RP1: variants seen among roughly 807,000 people sequenced by gnomAD.
The protein encoded by RP1 is oxygen-regulated protein 1.
Under a neutral mutation model 14.8 loss-of-function variants are expected in RP1, and 16 were observed. That is an observed-to-expected ratio of 1.08 (90% CI 0.73 to 1.65). RP1 has a LOEUF of 1.65. Among genes scored for constraint, RP1 ranks in the 40% most tolerant of loss-of-function variants. RP1 has a pLI of 0.00. For missense variants in RP1, 2,631 were observed against 2,535.0 expected, an observed-to-expected ratio of 1.04 and a Z score of -0.81; for synonymous variants, 876 against 883.6, an observed-to-expected ratio of 0.99 and a Z score of 0.15.
chr8:54,797,873 CTTTTT>C (rs71254593), intron 24 of RP1, among the ~76,000 whole-genome samples: 1 of 112,296 alleles, frequency 8.9e-6, no homozygotes, highest in African/African-American at 3.7e-5. Context: ...GTTTCCCAAC[CTTTTT>C]TTTTTTTTTT....
intron 12 of RP1, among the ~76,000 whole-genome samples, chr8:54,691,589 A>C (rs556327928): frequency 6.6e-4 from 101 of 152,104 alleles, no homozygotes; most frequent in African/African-American, 2.3e-3. Context: ...ATAGATTATT[A>C]AAGCAGACTT....
chr8:54,599,428 G>A (rs1385284844), intron 1 of RP1, among the ~76,000 whole-genome samples: 3 of 151,190 alleles, frequency 2.0e-5, no homozygotes, highest in African/African-American at 7.3e-5. Flanking sequence ...CCAACTCTGT[G>A]TCATGTTGAT....
intron 25 of RP1, among the ~76,000 whole-genome samples, chr8:54,849,941 A>C (rs1563395750): frequency 6.6e-6 from 1 of 152,218 alleles, no homozygotes; most frequent in African/African-American, 2.4e-5. Flanking sequence ...TAGTGTAGCT[A>C]TCAATTGAAT....
chr8:54,780,191 C>T (rs1458064611), intron 23 of RP1, among the ~76,000 whole-genome samples: 2 of 152,216 alleles, frequency 1.3e-5, no homozygotes, highest in African/African-American at 4.8e-5. Flanking sequence ...AATACATAAA[C>T]AAATGAGCAT....
At chr8:54,677,104 C>G (rs889241899) in intron 8 of RP1, among the ~76,000 whole-genome samples, 14 of 150,942 alleles carry the variant, frequency 9.3e-5, no homozygotes, top group Non-Finnish European at 2.1e-4. Flanking sequence ...GGATGACTAG[C>G]CATACTGGTT....
chr8:54,677,714 G>A (rs965999329), intron 8 of RP1, among the ~76,000 whole-genome samples: 18 of 152,036 alleles, frequency 1.2e-4, no homozygotes, highest in African/African-American at 3.9e-4. Context: ...GTGACAGAGT[G>A]AGCCTCTGTC....
chr8:54,718,452 G>A (rs1808455905), intron 15 of RP1, among the ~76,000 whole-genome samples: 1 of 152,190 alleles, frequency 6.6e-6, no homozygotes, highest in African/African-American at 2.4e-5. Flanking sequence ...GGAGCAAAGG[G>A]AACTCAATGG....
chr8:54,745,817 A>G (rs1347953036), intron 19 of RP1, among the ~76,000 whole-genome samples: 1 of 152,088 alleles, frequency 6.6e-6, no homozygotes, highest in Non-Finnish European at 1.5e-5. Flanking sequence ...TTGAAGCTTA[A>G]TATCAGTGCA....
intron 24 of RP1, among the ~76,000 whole-genome samples, chr8:54,785,223 A>G (rs1249850568): frequency 1.3e-5 from 2 of 152,006 alleles, no homozygotes; most frequent in Non-Finnish European, 2.9e-5. Flanking sequence ...GTCTCTACAC[A>G]TTTGCCTGTT....
intron 17 of RP1, chr8:54,726,487 G>A (rs925144681): frequency 4.6e-6 from 7 of 1,517,096 alleles, no homozygotes; most frequent in Non-Finnish European, 5.3e-6. Flanking sequence ...GTAAGCCACA[G>A]CTTTTGCTTT....
chr8:54,706,425 C>A, intron 14 of RP1: 1 of 1,534,986 alleles, frequency 6.5e-7, no homozygotes, highest in South Asian at 1.2e-5. Flanking sequence ...CCTTTCTGTT[C>A]TGTTTGTTGC....
At chr8:54,592,878 C>G (rs1407522158) in intron 1 of RP1, among the ~76,000 whole-genome samples, 1 of 152,136 alleles carries the variant, frequency 6.6e-6, no homozygotes, top group Non-Finnish European at 1.5e-5. Flanking sequence ...TTCCTCTTAT[C>G]AAGAAAGCAA....
intron 12 of RP1, chr8:54,696,426 C>T (rs901603006): frequency 2.6e-5 from 19 of 725,294 alleles, no homozygotes; most frequent in East Asian, 2.5e-4. Context: ...AGAAAAAATC[C>T]CTTTGTTCCA....
intron 23 of RP1, among the ~76,000 whole-genome samples, chr8:54,775,522 C>T (rs1810013781): frequency 6.6e-6 from 1 of 152,174 alleles, no homozygotes. Context: ...GCTCTGACCC[C>T]TGGCTGTGCT....
At chr8:54,855,882 C>T (rs552082848) in intron 26 of RP1, among the ~76,000 whole-genome samples, 5 of 151,678 alleles carry the variant, frequency 3.3e-5, no homozygotes, top group Admixed American at 6.6e-5. Context: ...TCGTATGCTT[C>T]GCATACGGAG....
At chr8:54,677,063 G>A (rs74705456) in intron 8 of RP1, among the ~76,000 whole-genome samples, 4,430 of 151,376 alleles carry the variant, frequency 0.029, 128 homozygotes, top group African/African-American at 0.066. Context: ...TACCAAAATT[G>A]TTAAAGATTC....
rs116197292 is a variant in RP1, at chr8:54,700,159, A to T, written c.1821+589A>T. 4.5e-3 allele frequency among the ~76,000 whole-genome samples: 685 copies of T among 152,168 alleles called. 5 individuals carry two copies. The highest frequency in any genetic ancestry group is 0.016 in the African/African-American group (646 of 41,528). On this transcript the variant is annotated intron_variant, in intron 13 of 22. Coordinates refer to the RP1 transcript ENST00000636932. ...GTGGAAGCAGGAATTTAATATAGGC[A>T]GTCTGACACTAACACCAGTGCTACA...
At chr8:54,857,802 A>G (rs946848797) in intron 27 of RP1, among the ~76,000 whole-genome samples, 1 of 151,892 alleles carries the variant, frequency 6.6e-6, no homozygotes, top group East Asian at 1.9e-4. Context: ...CTTTCCCTCC[A>G]TGTCTTCTCC....
At chr8:54,601,239 T>C (rs1053481113) in intron 1 of RP1, among the ~76,000 whole-genome samples, 10 of 152,172 alleles carry the variant, frequency 6.6e-5, no homozygotes, top group Admixed American at 2.0e-4. Flanking sequence ...ATCATAAGAA[T>C]GAATGCTAAA....
Sources: allele counts gnomAD v4.1 joint callset (sites outside exome capture counted in the v4.1 genomes callset), GRCh38; gene constraint gnomAD v4.1.1; transcripts MANE v1.5; gene names NCBI Gene and HGNC (gene_info 2026-07-23, HGNC 2026-07-21).